Variants in MYO16 observed in about 807,000 individuals in gnomAD.
MYO16 encodes the protein myosin XVI.
MYO16 carries 94 observed loss-of-function variants against 205.3 expected under a neutral mutation model. That is an observed-to-expected ratio of 0.46 (90% confidence interval 0.39 to 0.54). MYO16 has a LOEUF of 0.54. Ranked by LOEUF, MYO16 falls within the 20% of genes least tolerant of loss-of-function variation. The pLI is 0.00. For missense variants in MYO16, 2,315 were observed against 2,387.5 expected (o/e 0.97, Z 0.63); for synonymous variants, 988 against 954.0 (o/e 1.04, Z -0.66).
At chr13:108,744,008 G>T (rs1040560458) in intron 4 of MYO16, among the ~76,000 whole-genome samples, 2 of 152,092 alleles carry the variant, frequency 1.3e-5, no homozygotes, top group African/African-American at 4.8e-5. Flanking sequence ...ATACCCTTTC[G>T]TAGAGAATAA....
intron 22 of MYO16, among the ~76,000 whole-genome samples, chr13:109,018,757 C>G (rs1183465996): frequency 6.6e-6 from 1 of 152,134 alleles, no homozygotes; most frequent in African/African-American, 2.4e-5. Flanking sequence ...AGGGAAATCC[C>G]CCGACCCCTT....
intron 23 of MYO16, among the ~76,000 whole-genome samples, chr13:109,024,327 T>C (rs1185617251): frequency 6.6e-6 from 1 of 151,970 alleles, no homozygotes; most frequent in African/African-American, 2.4e-5. Flanking sequence ...TTCATGGAAG[T>C]GACTGTAAGC....
chr13:109,081,003 A>G (rs1888264125), intron 27 of MYO16, among the ~76,000 whole-genome samples: 1 of 152,158 alleles, frequency 6.6e-6, no homozygotes, highest in Non-Finnish European at 1.5e-5. Context: ...ATCTATTTCA[A>G]GCAAACAAAA....
intron 4 of MYO16, among the ~76,000 whole-genome samples, chr13:108,769,710 T>C (rs893093510): frequency 1.3e-5 from 2 of 152,136 alleles, no homozygotes; most frequent in African/African-American, 4.8e-5. Context: ...TGGTCAGGTA[T>C]GATTCATCAG....
intron 21 of MYO16, among the ~76,000 whole-genome samples, chr13:109,000,571 GA>G (rs1566454018): frequency 6.6e-6 from 1 of 151,956 alleles, no homozygotes; most frequent in Non-Finnish European, 1.5e-5. Context: ...AATTTTATAT[GA>G]AAAAAGAAAG....
the MYO16 span, among the ~76,000 whole-genome samples, chr13:108,566,612 A>G: frequency 3.3e-5 from 5 of 151,606 alleles, no homozygotes; most frequent in African/African-American, 1.2e-4. Flanking sequence ...AGCCTGGGTA[A>G]TAGAGTGAGA....
chr13:108,577,138 G>A, the MYO16 span, among the ~76,000 whole-genome samples: 1 of 152,126 alleles, frequency 6.6e-6, no homozygotes, highest in Non-Finnish European at 1.5e-5. Context: ...TTTTCATGAG[G>A]TGTTTGGTCA....
chr13:108,545,923 A>C, the MYO16 span, among the ~76,000 whole-genome samples: 1 of 152,186 alleles, frequency 6.6e-6, no homozygotes, highest in Non-Finnish European at 1.5e-5. Flanking sequence ...AGTTTCTGTG[A>C]GGACCACATT....
intron 6 of MYO16, among the ~76,000 whole-genome samples, chr13:108,805,451 G>T (rs1594308007): frequency 1.3e-5 from 2 of 151,990 alleles, no homozygotes; most frequent in Non-Finnish European, 2.9e-5. Flanking sequence ...AAGCCTTTTT[G>T]ACTTTAATTT....
rs530409394 is a variant in MYO16, at chr13:108,863,063, T to TA, written c.1360-3113dup. Among the ~76,000 whole-genome samples the TA allele has an allele frequency of 1.6e-3, 244 of 152,324 alleles. 5 individuals are homozygous for TA. The highest frequency in any genetic ancestry group is 5.7e-3 in the Admixed American group (87 of 15,300). ...TTTTGATTTTTTCATATTCATTTTT[T>TA]ATCCATCAAACTTGCTAAAGTTATA... is the stretch of plus-strand genomic sequence containing the variant. On this transcript the variant is annotated intron_variant, in intron 11 of 34. Transcript: ENST00000457511.
chr13:108,496,489 G>A, the MYO16 span, among the ~76,000 whole-genome samples: 6 of 152,182 alleles, frequency 3.9e-5, no homozygotes, highest in Non-Finnish European at 7.3e-5. Context: ...CCCCAGCTGG[G>A]CAGTGTCAGC....
intron 32 of MYO16, among the ~76,000 whole-genome samples, chr13:109,148,899 T>C (rs1043992306): frequency 6.6e-6 from 1 of 152,126 alleles, no homozygotes; most frequent in Non-Finnish European, 1.5e-5. Context: ...GTCAGGGTAA[T>C]AGACACTGCA....
chr13:109,057,675 A>C (rs1887457792), intron 27 of MYO16, among the ~76,000 whole-genome samples: 1 of 152,110 alleles, frequency 6.6e-6, no homozygotes, highest in Admixed American at 6.6e-5. Context: ...TGTGTGTATT[A>C]AAGGTCAGCC....
intron 27 of MYO16, chr13:109,056,042 A>C (rs754901969): frequency 6.2e-6 from 1 of 160,358 alleles, no homozygotes; most frequent in African/African-American, 2.4e-5. Context: ...ATAAAGTTTT[A>C]TTGGAACATG....
intron 16 of MYO16, among the ~76,000 whole-genome samples, chr13:108,950,797 G>T (rs1334777705): frequency 2.6e-5 from 4 of 152,194 alleles, no homozygotes; most frequent in African/African-American, 9.7e-5. Flanking sequence ...CACTCTAGAT[G>T]TTTCTCAGAC....
intron 1 of MYO16, among the ~76,000 whole-genome samples, chr13:108,617,561 A>T (rs1879392444): frequency 6.6e-6 from 1 of 152,178 alleles, no homozygotes. Context: ...AGCTCTTCAC[A>T]GGTACGGGCT....
chr13:108,999,585 A>G (rs1238447268), intron 21 of MYO16, among the ~76,000 whole-genome samples: 1 of 152,198 alleles, frequency 6.6e-6, no homozygotes, highest in Non-Finnish European at 1.5e-5. Flanking sequence ...TTCTTTAAAT[A>G]ACAGTCTTCA....
chr13:108,677,024 G>C (rs1271108336), intron 2 of MYO16, among the ~76,000 whole-genome samples: 1 of 152,120 alleles, frequency 6.6e-6, no homozygotes, highest in East Asian at 1.9e-4. Flanking sequence ...TAAAATGTGT[G>C]TTATGCAAAG....
At chr13:108,506,159 C>G in the MYO16 span, among the ~76,000 whole-genome samples, 2 of 151,984 alleles carry the variant, frequency 1.3e-5, no homozygotes, top group African/African-American at 4.8e-5. Context: ...TTTGAGATCC[C>G]ATATAAATTT....
Sources: allele counts gnomAD v4.1 joint callset (sites outside exome capture counted in the v4.1 genomes callset), GRCh38; gene constraint gnomAD v4.1.1; transcripts MANE v1.5; gene names NCBI Gene and HGNC (gene_info 2026-07-23, HGNC 2026-07-21).